CCDC7: variants seen among roughly 807,000 people sequenced by gnomAD.
CCDC7 encodes coiled-coil domain-containing protein 7.
CCDC7 carries 183 observed loss-of-function variants against 196.9 expected under a neutral mutation model. That is an observed-to-expected ratio of 0.93 (90% CI 0.82 to 1.05). The LOEUF is 1.05. CCDC7 is among the 50% of genes least tolerant of loss of function. CCDC7 has a pLI of 0.00. For missense variants in CCDC7, 1,540 were observed against 1,482.2 expected (o/e 1.04, Z -0.64); for synonymous variants, 525 against 484.6 (o/e 1.08, Z -1.10).
In CCDC7 at chr10:32,694,890, G is replaced by T; in HGVS notation, c.2356G>T (p.Glu786Ter). 1 of 1,592,914 alleles carries T rather than the reference G, an allele frequency of 6.3e-7. No homozygotes were observed. The highest frequency in any genetic ancestry group is 8.6e-7 in the Non-Finnish European group (1 of 1,169,246). The change falls in exon 24 of 42, where the codon GAA (glutamate) becomes TAA (stop). Residue 786 changes from glutamate to a stop codon, truncating the protein, a stop_gained. Coordinates refer to ENST00000639629, the Ensembl canonical transcript of CCDC7. LOFTEE classifies it high-confidence loss of function. ...ATCTCCTTATGTAGCTCATGATGAAGAACCAGGCAAAAATCTTGTGCTTGA... is the reference window on the plus strand; with the variant it reads ...ATCTCCTTATGTAGCTCATGATGAATAACCAGGCAAAAATCTTGTGCTTGA...
intron 13 of CCDC7, among the ~76,000 whole-genome samples, chr10:32,545,131 A>G (rs1417562712): frequency 3.9e-5 from 6 of 152,192 alleles, no homozygotes; most frequent in Non-Finnish European, 8.8e-5. Context: ...TGTCTCAGAT[A>G]TCTTCCATCT....
intron 8 of CCDC7, among the ~76,000 whole-genome samples, chr10:32,480,959 C>T (rs1047453871): frequency 2.6e-5 from 4 of 152,026 alleles, no homozygotes; most frequent in Admixed American, 2.0e-4. Context: ...AAGGCCTCTG[C>T]TATTATTGTA....
intron 16 of CCDC7, among the ~76,000 whole-genome samples, chr10:32,582,262 T>G (rs2058826602): frequency 6.6e-6 from 1 of 151,156 alleles, no homozygotes; most frequent in Admixed American, 6.6e-5. Context: ...CATTGAAAAA[T>G]TTTTCTTCTG....
At chr10:32,512,966 A>G (rs898064003) in intron 9 of CCDC7, 5 of 152,190 alleles carry the variant, frequency 3.3e-5, no homozygotes, top group Admixed American at 3.3e-4. Context: ...TACTCTTACC[A>G]TGCTAATATA....
downstream of CCDC7, chr10:32,876,647 T>A (rs1261479985): frequency 3.1e-6 from 1 of 327,736 alleles, no homozygotes; most frequent in Non-Finnish European, 5.5e-6. Flanking sequence ...TATGCAATTA[T>A]CTTTTAAATC....
At chr10:32,834,986 A>T in intron 33 of CCDC7, 88 bp downstream of exon 34, 1 of 534,206 alleles carries the variant, frequency 1.9e-6, no homozygotes, top group Non-Finnish European at 3.4e-6. Context: ...CTGTAGCTGT[A>T]AGTTATTACA....
chr10:32,800,964 A>G (rs549739035), intron 29 of CCDC7, among the ~76,000 whole-genome samples: 1 of 152,230 alleles, frequency 6.6e-6, no homozygotes, highest in Non-Finnish European at 1.5e-5. Flanking sequence ...GAGTCAGACT[A>G]TTCTGATTGC....
At chr10:32,813,225 C>T (rs1320521148) in intron 30 of CCDC7, among the ~76,000 whole-genome samples, 25 of 152,134 alleles carry the variant, frequency 1.6e-4, no homozygotes, top group Admixed American at 1.6e-3. Context: ...CAATGTTGAC[C>T]TTATGTCACC....
At chr10:32,509,669 A>G (rs1247165136) in intron 9 of CCDC7, among the ~76,000 whole-genome samples, 1 of 152,210 alleles carries the variant, frequency 6.6e-6, no homozygotes, top group Non-Finnish European at 1.5e-5. Flanking sequence ...TAATGGGTCA[A>G]TATAAAAAAT....
chr10:32,572,141 A>T (rs1044888164), intron 16 of CCDC7, among the ~76,000 whole-genome samples: 4 of 152,088 alleles, frequency 2.6e-5, no homozygotes, highest in Non-Finnish European at 5.9e-5. Flanking sequence ...TTTTTTCCTG[A>T]CAACAGCAAT....
intron 28 of CCDC7, among the ~76,000 whole-genome samples, chr10:32,759,935 G>T (rs2077156987): frequency 6.6e-6 from 1 of 151,854 alleles, no homozygotes; most frequent in Non-Finnish European, 1.5e-5. Context: ...GTGGGCGAAG[G>T]ATATGAACAG....
intron 9 of CCDC7, among the ~76,000 whole-genome samples, chr10:32,503,352 G>T (rs1314865263): frequency 6.6e-6 from 1 of 152,110 alleles, no homozygotes; most frequent in Non-Finnish European, 1.5e-5. Context: ...GTCTTATTAT[G>T]AAAGGATGTT....
At chr10:32,635,459 A>T (rs1300611444) in intron 20 of CCDC7, among the ~76,000 whole-genome samples, 1 of 152,142 alleles carries the variant, frequency 6.6e-6, no homozygotes, top group Non-Finnish European at 1.5e-5. Context: ...CTTTTTCCTA[A>T]TGAAGGGACC....
intron 4 of CCDC7, 84 bp downstream of exon 5, chr10:32,462,787 A>G: frequency 7.6e-7 from 1 of 1,323,964 alleles, no homozygotes. Context: ...CTAAATTTTA[A>G]GGGAGTAGAA....
chr10:32,850,148 GAGA>G (rs1593434134), intron 39 of CCDC7, among the ~76,000 whole-genome samples: 2 of 152,174 alleles, frequency 1.3e-5, no homozygotes, highest in African/African-American at 4.8e-5. Context: ...GGAACAAAAT[GAGA>G]AGAACAAGTC....
At chr10:32,859,955 C>A (rs112639388) in intron 41 of CCDC7, among the ~76,000 whole-genome samples, 1 of 151,992 alleles carries the variant, frequency 6.6e-6, no homozygotes, top group Non-Finnish European at 1.5e-5. Context: ...CAGGACCAGA[C>A]GGATTCACAG....
chr10:32,573,393 A>C (rs1160631641), intron 16 of CCDC7, among the ~76,000 whole-genome samples: 2 of 152,186 alleles, frequency 1.3e-5, no homozygotes, highest in Non-Finnish European at 2.9e-5. Flanking sequence ...TACATTGGTA[A>C]ATCTCAGAAA....
intron 28 of CCDC7, among the ~76,000 whole-genome samples, chr10:32,767,086 C>T (rs1222581111): frequency 6.6e-6 from 1 of 152,050 alleles, no homozygotes; most frequent in Non-Finnish European, 1.5e-5. Context: ...AATAGAGTAA[C>T]AACTCACTCA....
intron 25 of CCDC7, among the ~76,000 whole-genome samples, 165 bp downstream of exon 26, chr10:32,711,895 GT>G (rs1157480366): frequency 6.6e-6 from 1 of 152,126 alleles, no homozygotes; most frequent in Non-Finnish European, 1.5e-5. Context: ...ATAATGATAT[GT>G]TTTGGTTAGA....
Sources: allele counts gnomAD v4.1 joint callset (sites outside exome capture counted in the v4.1 genomes callset), GRCh38; gene constraint gnomAD v4.1.1; transcripts MANE v1.5; gene names NCBI Gene and HGNC (gene_info 2026-07-23, HGNC 2026-07-21).